VPS37A: variants seen among roughly 807,000 people sequenced by gnomAD.
VPS37A encodes vacuolar protein sorting-associated protein 37A.
In VPS37A, 30 loss-of-function variants were observed where a neutral mutation model predicts 49.8. The observed-to-expected ratio is 0.60, with a 90% CI of 0.45 to 0.82. The LOEUF is 0.82. Ranked by LOEUF, VPS37A falls within the 40% of genes least tolerant of loss-of-function variation. The probability of loss-of-function intolerance (pLI) is 0.00; values close to 1 mark genes in which losing one functional copy is unlikely to be tolerated. For synonymous variants in VPS37A, 195 were observed against 160.6 expected (o/e 1.21, Z -1.62); for missense variants, 593 against 464.4 (o/e 1.28, Z -2.55).
rs1815011579 is a variant in VPS37A, at chr8:17,281,075, A to G, written c.969+632A>G. Among the ~76,000 whole-genome samples, 3 of 152,000 alleles carry G rather than the reference A, an allele frequency of 2.0e-5. No homozygotes were observed. The South Asian group carries it at 6.2e-4, about 31-fold the overall frequency. On this transcript the variant is annotated intron_variant, in intron 9 of 11. Transcript: ENST00000324849. ...AAAATAGACATAAACCAACAACAGC[A>G]AAAAAGATGGTAAAGGAGAATATAA... is the stretch of plus-strand genomic sequence containing the variant.
At chr8:17,309,374 T>C in the VPS37A span, 1 of 1,251,594 alleles carries the variant, frequency 8.0e-7, no homozygotes, top group East Asian at 2.3e-5. Context: ...AAACGAAAAA[T>C]AAGAGACCAC....
intron 1 of VPS37A, among the ~76,000 whole-genome samples, chr8:17,251,811 A>C (rs556988643): frequency 6.6e-4 from 100 of 152,292 alleles, no homozygotes; most frequent in African/African-American, 2.3e-3. Flanking sequence ...TTTTGCTGCC[A>C]GTCTGCGGAT....
At chr8:17,269,244 A>C (rs1813759161) in intron 4 of VPS37A, among the ~76,000 whole-genome samples, 3 of 152,076 alleles carry the variant, frequency 2.0e-5, no homozygotes, top group African/African-American at 4.8e-5. Context: ...GCTGTTTTTC[A>C]CTAAACTTCC....
chr8:17,288,377 C>A (rs1307601840), intron 11 of VPS37A, among the ~76,000 whole-genome samples: 1 of 152,118 alleles, frequency 6.6e-6, no homozygotes, highest in Non-Finnish European at 1.5e-5. Context: ...TCCTTGCCCC[C>A]AACTCCCCAA....
chr8:17,332,232 T>C, the VPS37A span, among the ~76,000 whole-genome samples: 1 of 152,144 alleles, frequency 6.6e-6, no homozygotes, highest in Admixed American at 6.5e-5. Context: ...GAAAAAAATA[T>C]CTGCTTTTAA....
chr8:17,271,401 C>G (rs796953478), intron 4 of VPS37A, among the ~76,000 whole-genome samples: 1 of 152,084 alleles, frequency 6.6e-6, no homozygotes, highest in East Asian at 1.9e-4. Flanking sequence ...GTCAGGAGAT[C>G]GAGACCATCC....
In VPS37A at chr8:17,297,978, T is replaced by G. The variant is rs1304459076; in HGVS notation, c.*2992T>G. ...AAACTACATTTTAAAACATCAAATA[T>G]TTATACTATTTGCTTTTCAAATAAA... On this transcript the variant is annotated 3_prime_UTR_variant, in exon 12 of 12. Coordinates refer to ENST00000324849, the MANE Select transcript of VPS37A (RefSeq NM_152415.3). 1 of 152,094 alleles carries G rather than the reference T, an allele frequency of 6.6e-6. No individual in the cohort carries two copies. Among genetic ancestry groups the G allele is most frequent in the African/African-American group, 2.4e-5 (1 of 41,460 alleles). 9.4% of individuals were successfully genotyped at this position (152,094 alleles called of 1,614,324 possible).
rs1811300661 is a variant in VPS37A at position 17,247,177 on chromosome 8, C to T, written c.-68C>T. On this transcript the variant is annotated 5_prime_UTR_variant, in exon 1 of 12. Transcript: ENST00000324849. ...CCGCTCCTCTGTCGCTGGAGAACCGCCGGGCCGAGCCACTGGGAGAAGCAG... is the reference window on the plus strand; with the variant it reads ...CCGCTCCTCTGTCGCTGGAGAACCGTCGGGCCGAGCCACTGGGAGAAGCAG... The T allele has an allele frequency of 1.3e-6, 2 of 1,547,510 alleles. No homozygotes were observed.
chr8:17,307,042 A>T (rs1290817510), downstream of VPS37A, among the ~76,000 whole-genome samples: 2 of 152,200 alleles, frequency 1.3e-5, no homozygotes, highest in Non-Finnish European at 2.9e-5. Context: ...GACAGATGGG[A>T]TCTAATTAAA....
chr8:17,262,351 T>G (rs1034337738), intron 1 of VPS37A, among the ~76,000 whole-genome samples: 1 of 152,194 alleles, frequency 6.6e-6, no homozygotes, highest in African/African-American at 2.4e-5. Flanking sequence ...TCTATTTGTT[T>G]CCATTTGGGG....
intron 1 of VPS37A, among the ~76,000 whole-genome samples, chr8:17,257,721 T>C (rs890588837): frequency 2.0e-5 from 3 of 152,236 alleles, no homozygotes; most frequent in Non-Finnish European, 4.4e-5. Context: ...GTAATTTGCT[T>C]TGGGTAGTAT....
At chr8:17,300,537 C>T (rs958232337), downstream of VPS37A, among the ~76,000 whole-genome samples, 1 of 152,178 alleles carries the variant, frequency 6.6e-6, no homozygotes, top group Admixed American at 6.5e-5. Flanking sequence ...AATGATGAGT[C>T]TCATCCCATG....
downstream of VPS37A, chr8:17,300,054 G>C: frequency 6.2e-7 from 1 of 1,614,066 alleles, no homozygotes; most frequent in Non-Finnish European, 8.5e-7. Flanking sequence ...AATCTTCATC[G>C]CCTTGTGAAG....
downstream of VPS37A, chr8:17,299,713 A>C: frequency 3.8e-6 from 4 of 1,050,700 alleles, no homozygotes; most frequent in Non-Finnish European, 4.1e-6. Flanking sequence ...GAAATCAAGA[A>C]CTGGGCACTT....
chr8:17,300,267 C>G (rs75248937), downstream of VPS37A: 5,849 of 1,560,736 alleles, frequency 3.7e-3, 24 homozygotes, highest in Non-Finnish European at 4.6e-3. Context: ...TCATAAATAA[C>G]TTATCTTTTT....
At chr8:17,263,799 G>T (rs1813183776) in intron 1 of VPS37A, among the ~76,000 whole-genome samples, 1 of 151,914 alleles carries the variant, frequency 6.6e-6, no homozygotes, top group African/African-American at 2.4e-5. Context: ...TATATAACCG[G>T]GTGTGGTGGC....
chr8:17,268,370 A>T lies in VPS37A; in HGVS notation c.313A>T (p.Asn105Tyr), dbSNP rs1301465192. Residue 105 changes from asparagine to tyrosine, a missense_variant and splice_region_variant, in exon 3 of 12, where the codon AAT (asparagine) becomes TAT (tyrosine). Transcript: ENST00000324849. ...GVYVTSPLVN[N>Y]FTMHSDLGKI... ...GTATGTTACCTCTCCATTAGTAAACAATGTATGTATATGGGATAATTTATT... is the reference window on the plus strand; with the variant it reads ...GTATGTTACCTCTCCATTAGTAAACTATGTATGTATATGGGATAATTTATT... The T allele has an allele frequency of 8.2e-6, 13 of 1,586,678 alleles. No homozygotes were observed. The highest frequency in any genetic ancestry group is 1.1e-5 in the Non-Finnish European group (13 of 1,155,776).
intron 4 of VPS37A, among the ~76,000 whole-genome samples, chr8:17,272,959 G>A (rs1163990521): frequency 1.4e-5 from 2 of 141,880 alleles, no homozygotes; most frequent in Non-Finnish European, 3.0e-5. Context: ...TCATCTACAA[G>A]AAAATATATA....
the VPS37A span, among the ~76,000 whole-genome samples, chr8:17,310,043 T>TAGGCTGG: frequency 6.6e-6 from 1 of 152,156 alleles, no homozygotes; most frequent in African/African-American, 2.4e-5. Context: ...CTCAGCCACG[T>TAGGCTGG]AGGCTGGAGT....
Sources: gnomAD v4.1 joint callset for allele counts (sites outside exome capture counted in the v4.1 genomes callset) on GRCh38, gnomAD v4.1.1 for gene constraint, MANE v1.5 for transcripts, NCBI Gene and HGNC (gene_info 2026-07-23, HGNC 2026-07-21) for gene names.